The following GHRHR variants were observed in gnomAD, a reference collection of about 807,000 sequenced individuals.
GHRHR encodes growth hormone-releasing hormone receptor.
A neutral mutation model predicts 58.3 loss-of-function variants in GHRHR; 40 were observed. The observed-to-expected ratio is 0.69, with a 90% CI of 0.53 to 0.89. GHRHR has a LOEUF of 0.89. GHRHR is among the 40% of genes least tolerant of loss of function. The pLI is 0.00. For synonymous variants in GHRHR, 249 were observed against 216.6 expected, an observed-to-expected ratio of 1.15 and a Z score of -1.31; for missense variants, 551 against 541.3, an observed-to-expected ratio of 1.02 and a Z score of -0.18.
At position 30,969,055 on chromosome 7, in the gene GHRHR, CT is replaced by C. The variant is rs1792422866; in HGVS notation, c.161-7del. The C allele has an allele frequency of 1.3e-6, 2 of 1,573,980 alleles. No individual in the cohort carries two copies. Among genetic ancestry groups the C allele is most frequent in the African/African-American group, 2.7e-5 (2 of 74,442 alleles). ...CTGAGTCTCTGCTGCTCCTGGCTCTCTATCCAGGCTGCCCTGCGACCTGGGA... is the reference window on the plus strand; with the variant it reads ...CTGAGTCTCTGCTGCTCCTGGCTCTCATCCAGGCTGCCCTGCGACCTGGGA... On this transcript the variant is annotated splice_polypyrimidine_tract_variant and splice_region_variant and intron_variant, in intron 2 of 12. Transcript: ENST00000326139.
At chr7:30,975,080 A>G (rs775551951) in intron 9 of GHRHR, 40 bp downstream of exon 9, 32 of 1,348,230 alleles carry the variant, frequency 2.4e-5, no homozygotes, top group Non-Finnish European at 3.2e-5. Flanking sequence ...TATTCAGTCA[A>G]CTTCCCTGGA....
At position 30,972,329 on chromosome 7, in the gene GHRHR, C is replaced by T. The variant is rs551908229; in HGVS notation, c.597+234C>T. Among the ~76,000 whole-genome samples the T allele has an allele frequency of 7.9e-4, 121 of 152,316 alleles. 1 individual carries two copies. Among genetic ancestry groups the T allele is most frequent in the Non-Finnish European group, 1.4e-3 (94 of 68,034 alleles). ...TTCCCATATTGCATGCTCTACTCCG[C>T]GTTCTGTAGTCCAACCTAGACCACG... On this transcript the variant is annotated intron_variant, in intron 6 of 12. Coordinates refer to ENST00000326139, the MANE Select transcript of GHRHR (RefSeq NM_000823.4).
intron 1 of GHRHR, among the ~76,000 whole-genome samples, chr7:30,964,818 C>T (rs1435934521): frequency 6.6e-6 from 1 of 152,194 alleles, no homozygotes; most frequent in African/African-American, 2.4e-5. Context: ...CCTGAATGGG[C>T]TGCAGTTTCC....
At chr7:30,978,180 T>C (rs1051681539) in intron 12 of GHRHR, among the ~76,000 whole-genome samples, 67 of 152,184 alleles carry the variant, frequency 4.4e-4, no homozygotes, top group African/African-American at 1.5e-3. Flanking sequence ...CCTCTGTCCC[T>C]TACTGCTCCT....
intron 7 of GHRHR, 67 bp downstream of exon 7, chr7:30,974,205 A>G: frequency 2.7e-6 from 4 of 1,502,696 alleles, no homozygotes; most frequent in South Asian, 1.1e-5. Context: ...GGGAGTTTAC[A>G]TAAAGGCCCC....
Position 30,979,355 on chromosome 7 carries a change from C to T in GHRHR, c.*111C>T. The stretch of plus-strand genomic sequence containing the variant: ...CATCCCCACCCCAGCTGTTACCCAG[C>T]CCGGGGCAGGTGCAGCCCTTCCTCC... On this transcript the variant is annotated 3_prime_UTR_variant, in exon 13 of 13. Transcript: ENST00000326139. 4 of 1,092,668 alleles carry T rather than the reference C, an allele frequency of 3.7e-6. No individual in the cohort carries two copies. The highest frequency in any genetic ancestry group is 5.4e-6 in the Non-Finnish European group (4 of 740,442). 67.7% of individuals were successfully genotyped at this position (1,092,668 alleles called of 1,614,324 possible). A position where few individuals can be genotyped will look rare whatever the true frequency, so the allele number is the denominator to read the frequency against.
Position 30,964,181 on chromosome 7 carries a change from C to A in GHRHR, c.57+56C>A, listed in dbSNP as rs953128432. ...TGCCACTGGGCTCCAGATTTGGGAG[C>A]CACAGGGCCAACTGGAGCCTGGCGG... On this transcript the variant is annotated intron_variant, in intron 1 of 12. Coordinates refer to ENST00000326139, the MANE Select transcript of GHRHR (RefSeq NM_000823.4). 8 of 1,453,846 alleles carry A rather than the reference C, an allele frequency of 5.5e-6. No individual in the cohort carries two copies. In the Admixed American group the frequency reaches 7.9e-5, roughly 14 times the overall value. The allele number at this position is 1,453,846 out of a possible 1,614,324, so 90.1% of individuals were successfully genotyped here. A position where few individuals can be genotyped will look rare whatever the true frequency, so the allele number is the denominator to read the frequency against.
intron 12 of GHRHR, among the ~76,000 whole-genome samples, chr7:30,977,814 C>T (rs1792617601): frequency 6.6e-6 from 1 of 152,038 alleles, no homozygotes; most frequent in African/African-American, 2.4e-5. Flanking sequence ...GAGAGAGCAC[C>T]TAAAGAAAAC....
rs754386566 is a variant in GHRHR at position 30,969,066 on chromosome 7, G to A, written c.164G>A (p.Cys55Tyr). Residue 55 changes from cysteine to tyrosine, a missense_variant, in exon 3 of 13, where the codon TGC (cysteine) becomes TAC (tyrosine). By Grantham distance (194) the Cys-to-Tyr change is radical. Coordinates refer to ENST00000326139, the MANE Select transcript of GHRHR (RefSeq NM_000823.4). ...CTGCTCCTGGCTCTCTATCCAGGCTGCCCTGCGACCTGGGATGGGCTGCTG... is the reference window on the plus strand; with the variant it reads ...CTGCTCCTGGCTCTCTATCCAGGCTACCCTGCGACCTGGGATGGGCTGCTG... ...AEEMPNTTLG[C>Y]PATWDGLLCW... The A allele has an allele frequency of 1.3e-6, 2 of 1,578,918 alleles. No homozygotes were observed. The highest frequency in any genetic ancestry group is 1.3e-5 in the African/African-American group (1 of 74,612).
Position 30,969,110 on chromosome 7 carries a change from T to G in GHRHR, c.208T>G (p.Ser70Ala), listed in dbSNP as rs775025721. 9.5e-6 allele frequency: 15 copies of G among 1,580,378 alleles called. No homozygotes were observed. The highest frequency in any genetic ancestry group is 1.2e-5 in the Non-Finnish European group (14 of 1,163,104). The change falls in exon 3 of 13, where the codon TCT (serine) becomes GCT (alanine). Residue 70 changes from serine (S) to alanine (A), a missense_variant. Physicochemically the swap from Ser to Ala is moderately conservative, Grantham distance 99. Coordinates refer to ENST00000326139, the MANE Select transcript of GHRHR (RefSeq NM_000823.4). Reference protein sequence around the residue: ...DGLLCWPTAGSGEWVTLPCPD... With the variant: ...DGLLCWPTAGAGEWVTLPCPD... ...GCTGCTGTGCTGGCCAACGGCAGGC[T>G]CTGGCGAGTGGGTCACCCTCCCCTG...
intron 6 of GHRHR, among the ~76,000 whole-genome samples, chr7:30,973,450 C>T (rs1427498942): frequency 3.3e-5 from 5 of 152,166 alleles, no homozygotes; most frequent in East Asian, 1.9e-4. Flanking sequence ...CAGTGGCACA[C>T]GGGTGGGGCT....
intron 7 of GHRHR, 46 bp from the exon 8 acceptor site, chr7:30,974,383 C>G (rs958398385): frequency 1.4e-6 from 2 of 1,413,686 alleles, no homozygotes; most frequent in African/African-American, 1.4e-5. Context: ...ATCTCAGAGT[C>G]AAGGATGCAG....
At chr7:30,974,851 G>A in intron 8 of GHRHR, 120 bp from the exon 9 acceptor site, 3 of 789,406 alleles carry the variant, frequency 3.8e-6, no homozygotes, top group South Asian at 2.7e-5. Flanking sequence ...GCTGAGACAG[G>A]AGAAAAGGCT....
chr7:30,972,266 T>A (rs1275699414), intron 6 of GHRHR, 171 bp downstream of exon 6: 1 of 667,422 alleles, frequency 1.5e-6, no homozygotes, highest in African/African-American at 1.8e-5. Context: ...CCCTAAGTCC[T>A]CACGCCTTTC....
In GHRHR at chr7:30,969,847, G is replaced by T. The variant is rs746608316; in HGVS notation, c.269-20G>T. On this transcript the variant is annotated intron_variant, in intron 3 of 12. Transcript: ENST00000326139. ...GGAGAGGGAAGGAGTTGTGGCTAGA[G>T]AGTCTTGCTTGCCTCCCAGGGGCTG... The T allele has an allele frequency of 1.9e-6, 3 of 1,613,296 alleles. No homozygotes were observed. The Admixed American group carries it at 5.0e-5, about 27-fold the overall frequency.
chr7:30,978,781 C>T (rs1445661414), intron 12 of GHRHR, among the ~76,000 whole-genome samples: 2 of 152,128 alleles, frequency 1.3e-5, no homozygotes, highest in Non-Finnish European at 2.9e-5. Flanking sequence ...AAATTGAATC[C>T]CAGAGCAAGG....
chr7:30,972,045 G>C lies in GHRHR; in HGVS notation c.547G>C (p.Asp183His). ...CAAGGCGGGAGCTGTGTTCCTGAAG[G>C]ATGCTGCCCTTTTCCACAGCGACGA... ...ILKAGAVFLK[D>H]AALFHSDDTD... The change falls in exon 6 of 13, where the codon GAT (aspartate) becomes CAT (histidine). Residue 183 changes from aspartate (D) to histidine (H), a missense_variant. Coordinates refer to ENST00000326139, the MANE Select transcript of GHRHR (RefSeq NM_000823.4). 6.2e-7 allele frequency: 1 copy of C among 1,614,046 alleles called. No individual in the cohort carries two copies. Among genetic ancestry groups the C allele is most frequent in the Non-Finnish European group, 8.5e-7 (1 of 1,180,004 alleles).
At chr7:30,966,058 A>G (rs1025337147) in intron 1 of GHRHR, among the ~76,000 whole-genome samples, 8 of 152,164 alleles carry the variant, frequency 5.3e-5, no homozygotes. Flanking sequence ...GAGATGGCAG[A>G]GCTGCGTCCA....
chr7:30,966,048 G>T (rs1310316674), intron 1 of GHRHR, among the ~76,000 whole-genome samples: 2 of 152,222 alleles, frequency 1.3e-5, no homozygotes, highest in African/African-American at 4.8e-5. Context: ...GGCCAGGCAG[G>T]AGATGGCAGA....
Sources: gnomAD v4.1 joint callset for allele counts (sites outside exome capture counted in the v4.1 genomes callset) on GRCh38, gnomAD v4.1.1 for gene constraint, MANE v1.5 for transcripts, NCBI Gene and HGNC (gene_info 2026-07-23, HGNC 2026-07-21) for gene names.